Variants in ROR1 observed in about 807,000 individuals in gnomAD.
ROR1 encodes the protein ROR family WNT receptor 1.
In ROR1, 19 loss-of-function variants were observed where a neutral mutation model predicts 78.8. The ratio of observed to expected loss-of-function variants is 0.24; its 90% CI spans 0.17 to 0.35. The LOEUF is 0.35. Among genes scored for constraint, ROR1 ranks in the 10% least tolerant of loss-of-function variants. The probability of loss-of-function intolerance (pLI) is 1.00; values close to 1 mark genes in which losing one functional copy is unlikely to be tolerated. For synonymous variants in ROR1, 386 were observed against 433.6 expected (o/e 0.89, Z 1.36); for missense variants, 917 against 1,177.8 (o/e 0.78, Z 3.24).
intron 4 of ROR1, among the ~76,000 whole-genome samples, chr1:64,093,684 T>C (rs1178376929): frequency 1.3e-5 from 2 of 152,080 alleles, no homozygotes; most frequent in Admixed American, 1.3e-4. Context: ...TTTTTTTGTT[T>C]GTCAGGAAAC....
At chr1:63,925,171 AC>A (rs1645691627) in intron 1 of ROR1, among the ~76,000 whole-genome samples, 1 of 53,200 alleles carries the variant, frequency 1.9e-5, no homozygotes, top group Non-Finnish European at 3.8e-5. Context: ...CCTTCCCCCC[AC>A]CCCACAACAG....
rs886768024 is a variant in ROR1 at position 63,774,370 on chromosome 1, G to C, written c.-48G>C. The C allele has an allele frequency of 1.7e-6, 2 of 1,210,398 alleles. No individual in the cohort carries two copies. The highest frequency in any genetic ancestry group is 3.2e-5 in the Admixed American group (1 of 31,158). The allele number at this position is 1,210,398 out of a possible 1,614,324, so 75.0% of individuals were successfully genotyped here. On this transcript the variant is annotated 5_prime_UTR_variant, in exon 1 of 9. Coordinates refer to ENST00000371079, the MANE Select transcript of ROR1 (RefSeq NM_005012.4). This position sits in a 1 kb window ranked among gnomAD's most constrained non-coding sequence, Gnocchi z 5.7. ...CCCGGGAAGAGCCCGTGGATGTTCT[G>C]CGCGCGGCCTGGGAGCCGCCGCCGC...
chr1:63,821,393 A>G (rs1253121855), intron 1 of ROR1, among the ~76,000 whole-genome samples: 1 of 152,130 alleles, frequency 6.6e-6, no homozygotes, highest in Non-Finnish European at 1.5e-5. Flanking sequence ...GACCCTTACA[A>G]TTGTTGATGG....
At chr1:64,093,938 C>T (rs1035602722) in intron 4 of ROR1, among the ~76,000 whole-genome samples, 3 of 152,086 alleles carry the variant, frequency 2.0e-5, no homozygotes, top group Non-Finnish European at 2.9e-5. Flanking sequence ...ATTATTATGC[C>T]CATTTTACAG....
intron 1 of ROR1, among the ~76,000 whole-genome samples, chr1:63,810,635 A>G (rs1364935215): frequency 6.6e-6 from 1 of 152,216 alleles, no homozygotes; most frequent in Non-Finnish European, 1.5e-5. Context: ...TGGATACTGA[A>G]GGATCTTGAA....
intron 1 of ROR1, among the ~76,000 whole-genome samples, chr1:63,926,535 A>G (rs1164316021): frequency 4.4e-4 from 65 of 146,650 alleles, no homozygotes; most frequent in Middle Eastern, 6.9e-3. Flanking sequence ...GTTTTTTCCA[A>G]TTCTGTGAAG....
rs186612550 is a variant in ROR1, at chr1:63,890,929, T to G, written c.91+116421T>G. Among the ~76,000 whole-genome samples, 189 of 152,238 alleles carry G rather than the reference T, an allele frequency of 1.2e-3. 2 individuals carry two copies. Among genetic ancestry groups the G allele is most frequent in the African/African-American group, 4.3e-3 (180 of 41,548 alleles). On this transcript the variant is annotated intron_variant, in intron 1 of 8. Transcript: ENST00000371079. Reference sequence around the variant, plus strand: ...ATGTTGTATCATTTATCACCCAAAATATAGTGTATGACAAGGAGCTCAAAA... The same window carrying G: ...ATGTTGTATCATTTATCACCCAAAAGATAGTGTATGACAAGGAGCTCAAAA...
rs56230309 is a variant in ROR1 at position 63,943,093 on chromosome 1, TAA to T, written c.92-66189_92-66188del. Among the ~76,000 whole-genome samples the T allele has an allele frequency of 9.2e-3, 1,052 of 114,910 alleles. 8 individuals are homozygous for T. Among genetic ancestry groups the T allele is most frequent in the African/African-American group, 0.025 (698 of 28,432 alleles). The allele number at this position is 114,910 out of a possible 152,430, so 75.4% of individuals were successfully genotyped here. A position where few individuals can be genotyped will look rare whatever the true frequency, so the allele number is the denominator to read the frequency against. On this transcript the variant is annotated intron_variant, in intron 1 of 8. Transcript: ENST00000371079. ...GAGCAACAGAGCAAAACCCTGTCTT[TAA>T]AAAAAAAAAAAAAAAAAAAAAAGAT... is the stretch of plus-strand genomic sequence containing the variant.
chr1:63,956,767 C>G (rs1447292059), intron 1 of ROR1, among the ~76,000 whole-genome samples: 1 of 152,156 alleles, frequency 6.6e-6, no homozygotes, highest in Non-Finnish European at 1.5e-5. Flanking sequence ...TCGAACCTGA[C>G]TGAAGAGTAT....
intron 1 of ROR1, among the ~76,000 whole-genome samples, chr1:63,928,475 A>T (rs1257949039): frequency 1.3e-5 from 2 of 152,212 alleles, no homozygotes; most frequent in Non-Finnish European, 2.9e-5. Context: ...ATGCAGACGC[A>T]AGACGCTAAT....
intron 1 of ROR1, among the ~76,000 whole-genome samples, chr1:63,960,100 G>A (rs1286573977): frequency 2.6e-5 from 4 of 152,142 alleles, no homozygotes. Flanking sequence ...ATTTCCCCCA[G>A]GTAGACCCTG....
intron 2 of ROR1, among the ~76,000 whole-genome samples, chr1:64,039,239 A>C (rs961296945): frequency 6.6e-6 from 1 of 152,234 alleles, no homozygotes; most frequent in Non-Finnish European, 1.5e-5. Context: ...CTTGAAGTTT[A>C]CATTCTGGGA....
chr1:64,087,271 A>G (rs549772028), intron 4 of ROR1, among the ~76,000 whole-genome samples: 2 of 152,318 alleles, frequency 1.3e-5, no homozygotes, highest in African/African-American at 4.8e-5. Context: ...CTGTGTTCCT[A>G]GAAAGGTGAC....
intron 4 of ROR1, among the ~76,000 whole-genome samples, chr1:64,071,018 CA>C (rs1205762667): frequency 1.6e-4 from 24 of 152,240 alleles, no homozygotes; most frequent in African/African-American, 5.5e-4. Context: ...TTATTCTAGG[CA>C]AAATAACAGC....
intron 1 of ROR1, among the ~76,000 whole-genome samples, chr1:63,920,902 A>G (rs544009413): frequency 3.9e-4 from 59 of 152,338 alleles, no homozygotes; most frequent in African/African-American, 1.4e-3. Flanking sequence ...CCTGTTAGTA[A>G]GAATGTTGGA....
Position 63,998,287 on chromosome 1 carries a change from G to GTT in ROR1, c.92-11007_92-11006dup, listed in dbSNP as rs773029796. ...AAGTAGAAAATTAGGGTAATTTAAG[G>GTT]TTTTTTTTTTTTGTCTTTTCAATAG... On this transcript the variant is annotated intron_variant, in intron 1 of 8. Transcript: ENST00000371079. Among the ~76,000 whole-genome samples the GTT allele has an allele frequency of 6.5e-3, 942 of 144,330 alleles. 10 individuals carry two copies. The highest frequency in any genetic ancestry group is 0.023 in the African/African-American group (900 of 39,726). 94.7% of individuals were successfully genotyped at this position (144,330 alleles called of 152,430 possible). A position where few individuals can be genotyped will look rare whatever the true frequency, so the allele number is the denominator to read the frequency against.
At chr1:64,127,861 T>C (rs916025777) in intron 4 of ROR1, among the ~76,000 whole-genome samples, 1 of 152,128 alleles carries the variant, frequency 6.6e-6, no homozygotes, top group Non-Finnish European at 1.5e-5. Flanking sequence ...TAACAAGTAT[T>C]CACTTACTGT....
intron 4 of ROR1, among the ~76,000 whole-genome samples, chr1:64,071,924 C>A (rs1569681496): frequency 6.6e-6 from 1 of 152,132 alleles, no homozygotes; most frequent in South Asian, 2.1e-4. Context: ...CAGAGCTCAG[C>A]CTGAAAGGGA....
At chr1:63,963,084 T>C (rs1486526066) in intron 1 of ROR1, among the ~76,000 whole-genome samples, 1 of 152,220 alleles carries the variant, frequency 6.6e-6, no homozygotes, top group African/African-American at 2.4e-5. Flanking sequence ...TTCTCAGTTA[T>C]AGATGACATC....
Sources: allele counts gnomAD v4.1 joint callset (sites outside exome capture counted in the v4.1 genomes callset), GRCh38; gene constraint gnomAD v4.1.1; non-coding constraint Gnocchi (gnomAD v3.1); transcripts MANE v1.5; gene names NCBI Gene and HGNC (gene_info 2026-07-23, HGNC 2026-07-21).